The following SOX5 variants were observed in gnomAD, a reference collection of about 807,000 sequenced individuals.
SOX5 encodes SRY-box transcription factor 5.
Under a neutral mutation model 92.0 loss-of-function variants are expected in SOX5, and 9 were observed. The ratio of observed to expected loss-of-function variants is 0.10; its 90% CI spans 0.06 to 0.17. SOX5 has a LOEUF of 0.17. Ranked by LOEUF, SOX5 falls within the 10% of genes least tolerant of loss-of-function variation. The pLI is 1.00. For synonymous variants in SOX5, 344 were observed against 336.3 expected, an observed-to-expected ratio of 1.02 and a Z score of -0.25; for missense variants, 642 against 944.5, an observed-to-expected ratio of 0.68 and a Z score of 4.20.
At chr12:24,061,972 T>C (rs1478295805) in intron 4 of SOX5, among the ~76,000 whole-genome samples, 2 of 152,032 alleles carry the variant, frequency 1.3e-5, no homozygotes, top group Admixed American at 1.3e-4. Flanking sequence ...TTGTTTCATA[T>C]AGCCATTTGA....
intron 2 of SOX5, among the ~76,000 whole-genome samples, chr12:23,891,109 T>C (rs759430336): frequency 1.1e-4 from 16 of 152,228 alleles, no homozygotes; most frequent in Non-Finnish European, 2.2e-4. Flanking sequence ...TATGTATATG[T>C]ATATAGTGTG....
intron 6 of SOX5, among the ~76,000 whole-genome samples, chr12:23,720,563 G>C (rs1019217707): frequency 1.3e-5 from 2 of 151,494 alleles, no homozygotes; most frequent in African/African-American, 2.4e-5. Context: ...TAAACATTTT[G>C]ATCCAAAATG....
chr12:24,384,683 C>T (rs774462702), intron 1 of SOX5, among the ~76,000 whole-genome samples: 8 of 152,170 alleles, frequency 5.3e-5, no homozygotes, highest in Admixed American at 2.6e-4. Context: ...GGCTACAGTG[C>T]ATGATAGGTG....
At chr12:23,897,853 T>C (rs943825161) in intron 1 of SOX5, among the ~76,000 whole-genome samples, 2 of 152,172 alleles carry the variant, frequency 1.3e-5, no homozygotes, top group Non-Finnish European at 2.9e-5. Context: ...GCAGCTACCA[T>C]GTCAGCATTG....
chr12:23,549,478 A>G (rs1304836120), intron 11 of SOX5, among the ~76,000 whole-genome samples: 1 of 151,966 alleles, frequency 6.6e-6, no homozygotes, highest in East Asian at 1.9e-4. Flanking sequence ...CTGGAACACA[A>G]ATCCAGCACA....
intron 2 of SOX5, among the ~76,000 whole-genome samples, chr12:24,353,552 T>C (rs1014542267): frequency 6.6e-6 from 1 of 151,952 alleles, no homozygotes; most frequent in African/African-American, 2.4e-5. Context: ...TTTAGAAAAA[T>C]GATAATGCTT....
intron 4 of SOX5, among the ~76,000 whole-genome samples, chr12:24,098,800 T>G (rs1038505345): frequency 1.1e-4 from 16 of 152,076 alleles, no homozygotes; most frequent in Admixed American, 2.6e-4. Context: ...TAGAGGTAAG[T>G]AGGAGCTAAT....
chr12:24,470,991 G>C (rs1944762202), intron 1 of SOX5, among the ~76,000 whole-genome samples: 1 of 152,122 alleles, frequency 6.6e-6, no homozygotes, highest in African/African-American at 2.4e-5. Context: ...GAAGCATTTT[G>C]ATCCATTACC....
chr12:24,363,762 T>C (rs1393525346), intron 2 of SOX5, among the ~76,000 whole-genome samples: 8 of 151,202 alleles, frequency 5.3e-5, no homozygotes, highest in Non-Finnish European at 1.0e-4. Flanking sequence ...AACATACCCA[T>C]ATATAGGAGC....
intron 3 of SOX5, among the ~76,000 whole-genome samples, chr12:24,255,193 C>G (rs1353513546): frequency 1.3e-5 from 2 of 152,068 alleles, no homozygotes; most frequent in African/African-American, 4.8e-5. Context: ...TGTTAATGCA[C>G]TAGATATACT....
chr12:24,321,038 A>G (rs1950173673), intron 2 of SOX5, among the ~76,000 whole-genome samples: 1 of 152,246 alleles, frequency 6.6e-6, no homozygotes, highest in Admixed American at 6.5e-5. Flanking sequence ...TTCTTCTGTC[A>G]GTGTTGTGCT....
At chr12:24,499,754 CTTTT>C (rs35069628) in intron 1 of SOX5, among the ~76,000 whole-genome samples, 6 of 139,504 alleles carry the variant, frequency 4.3e-5, no homozygotes, top group African/African-American at 1.0e-4. Context: ...AAAAATCTGC[CTTTT>C]TTTTTTTTTT....
intron 1 of SOX5, among the ~76,000 whole-genome samples, chr12:24,556,702 T>G (rs1953817778): frequency 6.6e-6 from 1 of 152,250 alleles, no homozygotes; most frequent in Admixed American, 6.5e-5. Flanking sequence ...TCCTTACCTA[T>G]TATGTAGGGT....
At chr12:24,378,976 A>G (rs1035542467) in intron 1 of SOX5, among the ~76,000 whole-genome samples, 1 of 152,228 alleles carries the variant, frequency 6.6e-6, no homozygotes, top group Admixed American at 6.5e-5. Flanking sequence ...CGCATCATTC[A>G]TCTGACTGAA....
At chr12:23,900,770 G>A (rs1267107716) in intron 1 of SOX5, among the ~76,000 whole-genome samples, 1 of 152,126 alleles carries the variant, frequency 6.6e-6, no homozygotes, top group Non-Finnish European at 1.5e-5. Context: ...GGTCAGCCCA[G>A]CCAACATGGT....
intron 4 of SOX5, among the ~76,000 whole-genome samples, chr12:24,202,885 G>A (rs1051532165): frequency 6.6e-5 from 10 of 152,128 alleles, no homozygotes; most frequent in African/African-American, 2.4e-4. Context: ...TTTTTCCACT[G>A]TAAAGTTACT....
intron 1 of SOX5, among the ~76,000 whole-genome samples, chr12:23,897,534 T>C (rs1206494361): frequency 6.6e-6 from 1 of 152,124 alleles, no homozygotes; most frequent in Non-Finnish European, 1.5e-5. Flanking sequence ...AAATAATTAG[T>C]GTATTATTTA....
chr12:23,600,218 C>G (rs1953219697), intron 9 of SOX5, among the ~76,000 whole-genome samples: 2 of 151,828 alleles, frequency 1.3e-5, no homozygotes, highest in African/African-American at 4.8e-5. Flanking sequence ...CATAAAAGTT[C>G]AAGGTTTTAT....
intron 4 of SOX5, among the ~76,000 whole-genome samples, chr12:24,133,406 G>T (rs1161721881): frequency 6.6e-6 from 1 of 152,184 alleles, no homozygotes; most frequent in East Asian, 1.9e-4. Flanking sequence ...ATAAAGAAGA[G>T]ATGACTATGG....
Sources: allele counts gnomAD v4.1 joint callset (sites outside exome capture counted in the v4.1 genomes callset), GRCh38; gene constraint gnomAD v4.1.1; transcripts MANE v1.5; gene names NCBI Gene and HGNC (gene_info 2026-07-23, HGNC 2026-07-21).